Variants in POU2F2 observed in about 807,000 individuals in gnomAD.
POU2F2 encodes POU class 2 homeobox 2.
POU2F2 carries 14 observed loss-of-function variants against 63.5 expected under a neutral mutation model. The observed-to-expected ratio is 0.22, with a 90% CI of 0.15 to 0.34. POU2F2 has a LOEUF of 0.34. Ranked by LOEUF, POU2F2 falls within the 10% of genes least tolerant of loss-of-function variation. POU2F2 has a pLI of 1.00. For synonymous variants in POU2F2, 306 were observed against 348.6 expected (o/e 0.88, Z 1.36); for missense variants, 607 against 815.2 (o/e 0.74, Z 3.11).
intron 1 of POU2F2, 99 bp downstream of exon 1, chr19:42,132,285 A>C (rs1298470215): frequency 7.2e-7 from 1 of 1,382,228 alleles, no homozygotes; most frequent in Non-Finnish European, 1.0e-6. Flanking sequence ...GAGAAGGACA[A>C]TGGAGACAGC....
intron 1 of POU2F2, among the ~76,000 whole-genome samples, chr19:42,167,323 G>A (rs1427429628): frequency 1.3e-5 from 2 of 152,022 alleles, no homozygotes; most frequent in Non-Finnish European, 2.9e-5. Context: ...GCATGGTGGC[G>A]TGCGCCTGTA....
intron 1 of POU2F2, among the ~76,000 whole-genome samples, chr19:42,195,078 G>GAAGGGAGGGAGGGAGGGAGGAACGAAGA (rs2035123053): frequency 1.8e-4 from 1 of 5,466 alleles, no homozygotes; most frequent in Non-Finnish European, 3.6e-4. Context: ...AGGAAGGAAG[G>GAAGGGAGGGAGGGAGGGAGGAACGAAGA]GAGGGAGGAA....
intron 1 of POU2F2, among the ~76,000 whole-genome samples, chr19:42,173,778 G>A (rs1036402550): frequency 4.6e-5 from 7 of 152,002 alleles, no homozygotes; most frequent in African/African-American, 1.7e-4. Context: ...ACTGCAACCT[G>A]CCACAGAGTT....
intron 2 of POU2F2, among the ~76,000 whole-genome samples, chr19:42,151,273 C>T (rs1234542030): frequency 2.0e-5 from 2 of 100,642 alleles, no homozygotes; most frequent in Non-Finnish European, 2.1e-5. Flanking sequence ...CTCAGGGAAG[C>T]GGGGAGGAGA....
chr19:42,163,783 A>G (rs1361448708), intron 1 of POU2F2, among the ~76,000 whole-genome samples: 1 of 152,232 alleles, frequency 6.6e-6, no homozygotes, highest in Non-Finnish European at 1.5e-5. Flanking sequence ...GGGGAAATCA[A>G]AAACCAACCT....
intron 5 of POU2F2, among the ~76,000 whole-genome samples, chr19:42,116,253 T>C (rs1317239761): frequency 2.0e-5 from 3 of 152,156 alleles, no homozygotes; most frequent in Non-Finnish European, 4.4e-5. Flanking sequence ...AATTCATAGA[T>C]CACGGGCCCC....
At position 42,087,143 on chromosome 19, in the gene POU2F2, T is replaced by G. The variant is rs1211133254; in HGVS notation, c.*4114A>C. ...GGTAGCGGAGTTGTCTGTGGGTTTTTTTTTTTTTTTAAATGGTTAAATCTT... is the reference window on the plus strand; with the variant it reads ...GGTAGCGGAGTTGTCTGTGGGTTTTGTTTTTTTTTTAAATGGTTAAATCTT... On this transcript the variant is annotated 3_prime_UTR_variant, in exon 15 of 15. Coordinates refer to ENST00000692977, the MANE Select transcript of POU2F2 (RefSeq NM_001394376.1). 2 of 151,490 alleles carry G rather than the reference T, an allele frequency of 1.3e-5. No individual in the cohort carries two copies. Among genetic ancestry groups the G allele is most frequent in the East Asian group, 1.9e-4 (1 of 5,178 alleles). The allele number at this position is 151,490 out of a possible 1,614,324, so 9.4% of individuals were successfully genotyped here.
upstream of POU2F2, among the ~76,000 whole-genome samples, chr19:42,134,348 C>T (rs2033946629): frequency 6.6e-6 from 1 of 152,178 alleles, no homozygotes; most frequent in African/African-American, 2.4e-5. Flanking sequence ...GGACCACCCA[C>T]TTCCAGTGCG....
At chr19:42,106,069 TTTC>T (rs1021051974) in intron 5 of POU2F2, among the ~76,000 whole-genome samples, 10 of 151,452 alleles carry the variant, frequency 6.6e-5, no homozygotes, top group Admixed American at 2.6e-4. Flanking sequence ...TTTCTTTTTC[TTTC>T]TTTTCTTTCT....
rs771733734 is a variant in POU2F2, at chr19:42,099,561, A to G, written c.533T>C (p.Leu178Pro). The stretch of plus-strand genomic sequence containing the variant: ...AAGCCCGGCCCGGGGCTGGGAGGTC[A>G]GAAGAGCTCCCTGGGTTTGCTGAGG... ...QLPQQTQGAL[L>P]TSQPRAGLPT... is the part of the protein sequence containing the mutation. The change falls in exon 7 of 15, where the codon CTG becomes CCG. Residue 178 changes from leucine to proline, a missense_variant. Leu to Pro is a moderately conservative substitution (Grantham distance 98). Coordinates refer to ENST00000692977, the MANE Select transcript of POU2F2 (RefSeq NM_001394376.1). 4 of 1,614,108 alleles carry G rather than the reference A, an allele frequency of 2.5e-6. No individual in the cohort carries two copies. The highest frequency in any genetic ancestry group is 1.6e-4 in the Middle Eastern group (1 of 6,062).
rs1465963783 is a variant in POU2F2, at chr19:42,152,354, C to T, written c.-9+7978G>A. On this transcript the variant is annotated intron_variant, in intron 2 of 6. Transcript: ENST00000524801. This position sits in a 1 kb window ranked among gnomAD's most constrained non-coding sequence, Gnocchi z 4.1. ...AGGGGGTGGGATGGGCTCACACATG[C>T]CCCCACAGCCTGCCAAGAAGGCCCC... 6.6e-6 allele frequency among the ~76,000 whole-genome samples: 1 copy of T among 151,964 alleles called. No homozygotes were observed. Among genetic ancestry groups the T allele is most frequent in the Non-Finnish European group, 1.5e-5 (1 of 67,952 alleles).
At chr19:42,147,668 A>C (rs1192972207) in intron 2 of POU2F2, among the ~76,000 whole-genome samples, 1 of 152,220 alleles carries the variant, frequency 6.6e-6, no homozygotes, top group Non-Finnish European at 1.5e-5. Flanking sequence ...AAGTCTTCGA[A>C]GCCTCAGTTT....
At chr19:42,097,223 G>T (rs2146338846) in intron 7 of POU2F2, among the ~76,000 whole-genome samples, 1 of 140,808 alleles carries the variant, frequency 7.1e-6, no homozygotes, top group African/African-American at 2.6e-5. Context: ...TTGAGATGGA[G>T]TTTCACCCTT....
chr19:42,191,247 A>C (rs2035072378), intron 1 of POU2F2, among the ~76,000 whole-genome samples: 2 of 152,108 alleles, frequency 1.3e-5, no homozygotes, highest in Non-Finnish European at 2.9e-5. Context: ...TCCCTAAAAG[A>C]AGCACCAGCA....
chr19:42,195,330 C>CTTTT (rs894258162), intron 1 of POU2F2, among the ~76,000 whole-genome samples: 7 of 125,506 alleles, frequency 5.6e-5, no homozygotes, highest in Non-Finnish European at 1.2e-4. Flanking sequence ...CCCTCTTTTT[C>CTTTT]TTTTTTTTTT....
At chr19:42,172,285 G>A (rs1045495813) in intron 1 of POU2F2, among the ~76,000 whole-genome samples, 1 of 152,184 alleles carries the variant, frequency 6.6e-6, no homozygotes, top group Non-Finnish European at 1.5e-5. Context: ...CCTGTCTAAG[G>A]CTGGGATTGG....
chr19:42,146,370 T>C (rs2034234457), intron 2 of POU2F2, among the ~76,000 whole-genome samples: 1 of 152,242 alleles, frequency 6.6e-6, no homozygotes, highest in South Asian at 2.1e-4. Flanking sequence ...ACCTGGGCTT[T>C]GCTGTCTGAG....
chr19:42,098,412 C>CAAAAAAAA (rs1218709430), intron 7 of POU2F2, among the ~76,000 whole-genome samples: 2 of 56,342 alleles, frequency 3.5e-5, no homozygotes, highest in African/African-American at 1.2e-4. Context: ...GACTCCATCT[C>CAAAAAAAA]AAAAAAAAAA....
In POU2F2 at chr19:42,155,908, A is replaced by C. The variant is rs2034448296; in HGVS notation, c.-9+4424T>G. The C allele has an allele frequency of 6.6e-6, 1 of 152,404 alleles. No individual in the cohort carries two copies. Among genetic ancestry groups the C allele is most frequent in the African/African-American group, 2.4e-5 (1 of 41,446 alleles). The allele number at this position is 152,404 out of a possible 1,614,324, so 9.4% of individuals were successfully genotyped here. On this transcript the variant is annotated intron_variant, in intron 2 of 6. Transcript: ENST00000524801. This position sits in a 1 kb window ranked among gnomAD's most constrained non-coding sequence, Gnocchi z 4.2. ...AAGATGATGCTGGGGCTGGAGCCAAAGGGAGAGGAAGAGGAAAGGAAGGAA... is the reference window on the plus strand; with the variant it reads ...AAGATGATGCTGGGGCTGGAGCCAACGGGAGAGGAAGAGGAAAGGAAGGAA...
Sources: allele counts gnomAD v4.1 joint callset (sites outside exome capture counted in the v4.1 genomes callset), GRCh38; gene constraint gnomAD v4.1.1; non-coding constraint Gnocchi (gnomAD v3.1); transcripts MANE v1.5; gene names NCBI Gene and HGNC (gene_info 2026-07-23, HGNC 2026-07-21).